Variants in RGS2 observed in about 807,000 individuals in gnomAD.
RGS2 encodes the protein regulator of G protein signaling 2, also known as G0 to G1 switch regulatory 8, 24kD.
Under a neutral mutation model 26.6 loss-of-function variants are expected in RGS2, and 20 were observed. The observed-to-expected ratio is 0.75, with a 90% CI of 0.53 to 1.09. RGS2 has a LOEUF of 1.09. RGS2 is among the 50% of genes least tolerant of loss of function. RGS2 has a pLI of 0.00. For missense variants in RGS2, 246 were observed against 245.5 expected (o/e 1.00, Z -0.01); for synonymous variants, 97 against 79.9 (o/e 1.21, Z -1.14).
intron 1 of RGS2, 61 bp downstream of exon 1, chr1:192,809,242 C>G: frequency 8.3e-7 from 1 of 1,207,966 alleles, no homozygotes; most frequent in Non-Finnish European, 1.2e-6. Flanking sequence ...GCTGCAAACG[C>G]GGTACTTTCG....
Position 192,812,011 on chromosome 1 carries a change from T to A in RGS2, c.*415T>A. The A allele has an allele frequency of 7.3e-6, 2 of 273,356 alleles. No homozygotes were observed. Among genetic ancestry groups the A allele is most frequent in the South Asian group, 7.7e-5 (2 of 26,084 alleles). 16.9% of individuals were successfully genotyped at this position (273,356 alleles called of 1,614,324 possible). On this transcript the variant is annotated 3_prime_UTR_variant, in exon 5 of 5. Transcript: ENST00000235382. ...CCACATAGTAGTTTTAGTTTAGGAT[T>A]CAGTAACAGTGAAGTGTTTACTATG...
chr1:192,810,123 A>G (rs1183647089), intron 1 of RGS2, 43 bp from the exon 2 acceptor site: 1 of 1,225,070 alleles, frequency 8.2e-7, no homozygotes, highest in Non-Finnish European at 1.2e-6. Context: ...AGCATATTCA[A>G]GTGTTGCTAG....
In RGS2 at chr1:192,810,264, T is replaced by A; in HGVS notation, c.209T>A (p.Ile70Asn). ...TGKKSKQQAF[I>N]KPSPEEAQLW... ...AAAAAAAGCAAACAGCAAGCTTTCA[T>A]CAAGTAAGTTGAGAATCCTGTGCTT... Residue 70 changes from isoleucine to asparagine, a missense_variant, in exon 2 of 5, where the codon ATC becomes AAC. Coordinates refer to ENST00000235382, the MANE Select transcript of RGS2 (RefSeq NM_002923.4). The A allele has an allele frequency of 6.2e-7, 1 of 1,613,044 alleles. No individual in the cohort carries two copies. Among genetic ancestry groups the A allele is most frequent in the Non-Finnish European group, 8.5e-7 (1 of 1,178,934 alleles).
At chr1:192,810,567 C>A (rs866910811) in intron 3 of RGS2, 136 bp downstream of exon 3, 7 of 782,168 alleles carry the variant, frequency 8.9e-6, no homozygotes, top group Middle Eastern at 7.0e-4. Context: ...TTTTTCTTTC[C>A]TTTATTTCCC....
rs749759020 is a variant in RGS2 at position 192,810,973 on chromosome 1, C to G, written c.275-8C>G. 2 of 1,613,356 alleles carry G rather than the reference C, an allele frequency of 1.2e-6. No homozygotes were observed. Among genetic ancestry groups the G allele is most frequent in the East Asian group, 2.2e-5 (1 of 44,886 alleles). On this transcript the variant is annotated splice_polypyrimidine_tract_variant and splice_region_variant and intron_variant, in intron 3 of 4. Transcript: ENST00000235382. ...CATTCTGCATGCTCTCTTTTCTCCC[C>G]CCTTCAGATGGTCTTGCTGCATTCA...
chr1:192,809,437 C>A (rs578211074), intron 1 of RGS2: 2 of 504,998 alleles, frequency 4.0e-6, no homozygotes, highest in Non-Finnish European at 7.3e-6. Flanking sequence ...TTTTGTCCTC[C>A]TGCATTCAAA....
rs1571645482 is a variant in RGS2 at position 192,811,334 on chromosome 1, T to G, written c.442-68T>G. The G allele has an allele frequency of 7.7e-6, 11 of 1,419,486 alleles. No homozygotes were observed. The South Asian group carries it at 1.3e-4, about 17-fold the overall frequency. The allele number at this position is 1,419,486 out of a possible 1,614,324, so 87.9% of individuals were successfully genotyped here. A position where few individuals can be genotyped will look rare whatever the true frequency, so the allele number is the denominator to read the frequency against. On this transcript the variant is annotated intron_variant, in intron 4 of 4. Coordinates refer to ENST00000235382, the MANE Select transcript of RGS2 (RefSeq NM_002923.4). ...AATCACACATAATTTTTATTTTTTG[T>G]TTTCAAATACTAAATTTTAATCTTT... is the stretch of plus-strand genomic sequence containing the variant.
Position 192,810,399 on chromosome 1 carries a change from C to T in RGS2, c.242C>T (p.Ser81Leu). Residue 81 changes from serine (S) to leucine (L), a missense_variant, in exon 3 of 5, where the codon TCA (serine) becomes TTA (leucine). Coordinates refer to ENST00000235382, the MANE Select transcript of RGS2 (RefSeq NM_002923.4). ...TCTCCTGAGGAAGCACAGCTGTGGT[C>T]AGAAGCATTTGACGAGCTGCTAGCC... ...KPSPEEAQLWSEAFDELLASK... is the reference protein window; with the variant it reads ...KPSPEEAQLWLEAFDELLASK... 2 of 1,614,170 alleles carry T rather than the reference C, an allele frequency of 1.2e-6. No homozygotes were observed. The highest frequency in any genetic ancestry group is 8.5e-7 in the Non-Finnish European group (1 of 1,180,024).
At chr1:192,809,389 G>A (rs781632024) in intron 1 of RGS2, 35 of 579,866 alleles carry the variant, frequency 6.0e-5, no homozygotes, top group Non-Finnish European at 9.9e-5. Context: ...GTTGATATGA[G>A]GGCGGTGGTT....
intron 1 of RGS2, 50 bp from the exon 2 acceptor site, chr1:192,810,116 A>G: frequency 8.7e-7 from 1 of 1,145,162 alleles, no homozygotes. Flanking sequence ...CTGCAGTAGC[A>G]TATTCAAGTG....
At chr1:192,810,738 A>T in intron 3 of RGS2, 2 of 612,602 alleles carry the variant, frequency 3.3e-6, no homozygotes, top group Non-Finnish European at 5.7e-6. Context: ...TGGCTCCCCT[A>T]TAAATATTTA....
intron 1 of RGS2, chr1:192,809,444 CA>C: frequency 2.0e-6 from 1 of 495,046 alleles, no homozygotes. Context: ...CTCCTGCATT[CA>C]AAATGACATC....
At position 192,811,593 on chromosome 1, in the gene RGS2, A is replaced by G. The variant is rs372814636; in HGVS notation, c.633A>G (p.Thr211=). The part of the protein sequence containing the change: ...KPQITTEPHA[T] ...AAATCACCACAGAGCCTCATGCTAC[A>G]TGAAATGTAAAAGGGAGCCCAGAAA... is the stretch of plus-strand genomic sequence containing the variant. Residue 211 remains threonine, a synonymous_variant, in exon 5 of 5, where the codon ACA becomes ACG. Transcript: ENST00000235382. The G allele has an allele frequency of 1.2e-6, 2 of 1,613,862 alleles. No homozygotes were observed. The highest frequency in any genetic ancestry group is 2.7e-5 in the African/African-American group (2 of 74,936).
chr1:192,809,420 G>A (rs912151054), intron 1 of RGS2: 12 of 531,042 alleles, frequency 2.3e-5, no homozygotes, highest in African/African-American at 2.1e-4. Context: ...GAAATTGCGG[G>A]TTGGCTTTTT....
At chr1:192,810,538 C>T (rs1665575337) in intron 3 of RGS2, 107 bp downstream of exon 3, 2 of 923,012 alleles carry the variant, frequency 2.2e-6, no homozygotes, top group East Asian at 4.8e-5. Flanking sequence ...AGACTGCAGT[C>T]ACTATAGGAT....
At chr1:192,809,683 A>ACT in intron 1 of RGS2, 1 of 294,998 alleles carries the variant, frequency 3.4e-6, no homozygotes, top group Non-Finnish European at 6.6e-6. Flanking sequence ...GGGAAGGAAG[A>ACT]GCGCAGGGGA....
chr1:192,810,513 T>C, intron 3 of RGS2, 82 bp downstream of exon 3: 1 of 1,229,606 alleles, frequency 8.1e-7, no homozygotes, highest in South Asian at 1.2e-5. Flanking sequence ...AAGAGCAGCT[T>C]GCCTGAGGGG....
chr1:192,812,193 C>A lies in RGS2; in HGVS notation c.*597C>A, dbSNP rs1391169803. 6.5e-6 allele frequency: 1 copy of A among 153,260 alleles called. No homozygotes were observed. Among genetic ancestry groups the A allele is most frequent in the Non-Finnish European group, 1.5e-5 (1 of 68,434 alleles). 9.5% of individuals were successfully genotyped at this position (153,260 alleles called of 1,614,324 possible). ...AAACTGCAGTGTCCGTTATGAGTGC[C>A]AAAAATCTGTCTTGAAGGCAGCTAC... is the stretch of plus-strand genomic sequence containing the variant. On this transcript the variant is annotated 3_prime_UTR_variant, in exon 5 of 5. Transcript: ENST00000235382.
chr1:192,809,583 GT>G (rs59192382), intron 1 of RGS2: 1 of 320,012 alleles, frequency 3.1e-6, no homozygotes, highest in Non-Finnish European at 6.2e-6. Flanking sequence ...ATCCATTTTT[GT>G]TTTTTAATTA....
Sources: allele counts gnomAD v4.1 joint callset, GRCh38; gene constraint gnomAD v4.1.1; transcripts MANE v1.5; gene names NCBI Gene and HGNC (gene_info 2026-07-23, HGNC 2026-07-21).